The following ATF2 variants were observed in gnomAD, a reference collection of about 807,000 sequenced individuals.
ATF2 encodes activating transcription factor 2.
In ATF2, 24 loss-of-function variants were observed where a neutral mutation model predicts 60.6. The observed-to-expected ratio is 0.40, with a 90% CI of 0.29 to 0.56. The LOEUF (loss-of-function observed/expected upper bound fraction) is 0.56, where lower values mean the gene tolerates loss of function less well. Ranked by LOEUF, ATF2 falls within the 20% of genes least tolerant of loss-of-function variation. ATF2 has a pLI of 0.54. For missense variants in ATF2, 433 were observed against 607.7 expected (o/e 0.71, Z 3.02); for synonymous variants, 206 against 215.4 (o/e 0.96, Z 0.38).
At chr2:175,109,102 T>TC (rs1205213202) in intron 10 of ATF2, among the ~76,000 whole-genome samples, 1 of 138,348 alleles carries the variant, frequency 7.2e-6, no homozygotes, top group African/African-American at 2.7e-5. Flanking sequence ...GTGCTGACCT[T>TC]CCCTCCACTA....
intron 1 of ATF2, among the ~76,000 whole-genome samples, chr2:175,163,073 G>A (rs1004314822): frequency 2.0e-5 from 3 of 152,048 alleles, no homozygotes; most frequent in African/African-American, 7.2e-5. Context: ...GGCGGAGCTT[G>A]CAGTGAGCCA....
At chr2:175,108,096 G>A (rs1377281135) in intron 10 of ATF2, among the ~76,000 whole-genome samples, 5 of 149,748 alleles carry the variant, frequency 3.3e-5, no homozygotes, top group African/African-American at 4.9e-5. Flanking sequence ...GCCTCTTCCC[G>A]GCCGCCATCC....
intron 12 of ATF2, among the ~76,000 whole-genome samples, chr2:175,082,472 G>A (rs1462435359): frequency 2.0e-5 from 3 of 152,234 alleles, no homozygotes; most frequent in East Asian, 1.9e-4. Context: ...ATAATCCAAT[G>A]TATATTACCC....
chr2:175,142,122 G>A (rs1001935777), intron 2 of ATF2, among the ~76,000 whole-genome samples: 3 of 151,644 alleles, frequency 2.0e-5, no homozygotes, highest in African/African-American at 7.3e-5. Flanking sequence ...ACACTTGCTT[G>A]ATGTTCTGCT....
intron 13 of ATF2, among the ~76,000 whole-genome samples, chr2:175,077,345 T>C (rs964306833): frequency 3.3e-5 from 5 of 152,196 alleles, no homozygotes; most frequent in Non-Finnish European, 1.5e-5. Context: ...ATCGTATTTC[T>C]AGTTCAAGAT....
chr2:175,111,090 T>C lies in ATF2; in HGVS notation c.828+478A>G, dbSNP rs891378475. Among the ~76,000 whole-genome samples, 9 of 152,282 alleles carry C rather than the reference T, an allele frequency of 5.9e-5. No individual in the cohort carries two copies. The East Asian group carries it at 7.7e-4, about 13-fold the overall frequency. ...AAGGTAGTGAATAGTGGAGTTAGGA[T>C]TAAAATTAAAATTAAAATACACATC... is the stretch of plus-strand genomic sequence containing the variant. On this transcript the variant is annotated intron_variant, in intron 10 of 13. Transcript: ENST00000264110.
intron 12 of ATF2, among the ~76,000 whole-genome samples, chr2:175,082,053 G>A (rs983704365): frequency 3.9e-5 from 6 of 152,028 alleles, no homozygotes; most frequent in Admixed American, 3.3e-4. Context: ...GTGAGACTCC[G>A]TCTCAAAAAA....
At chr2:175,135,866 C>T (rs1698106309) in intron 3 of ATF2, among the ~76,000 whole-genome samples, 1 of 152,250 alleles carries the variant, frequency 6.6e-6, no homozygotes, top group African/African-American at 2.4e-5. Context: ...TTCTGTAACA[C>T]TGTTTCTTTT....
At position 175,073,683 on chromosome 2, in the gene ATF2, A is replaced by G. The variant is rs925310393; in HGVS notation, c.*926T>C. The G allele has an allele frequency of 6.6e-6, 1 of 152,130 alleles. No individual in the cohort carries two copies. The highest frequency in any genetic ancestry group is 1.5e-5 in the Non-Finnish European group (1 of 68,008). 9.4% of individuals were successfully genotyped at this position (152,130 alleles called of 1,614,324 possible). On this transcript the variant is annotated 3_prime_UTR_variant, in exon 14 of 14. Transcript: ENST00000264110. Reference sequence around the variant, plus strand: ...GGGGTAAACAGTCTTAAATTTTCTAAGTAGTAATTTTAGGCTTTTCTGGCA... The same window carrying G: ...GGGGTAAACAGTCTTAAATTTTCTAGGTAGTAATTTTAGGCTTTTCTGGCA...
intron 1 of ATF2, among the ~76,000 whole-genome samples, chr2:175,162,786 T>C (rs1182941708): frequency 6.6e-6 from 1 of 152,152 alleles, no homozygotes. Flanking sequence ...CACAATTATT[T>C]GTTAGTATGG....
At chr2:175,101,830 A>C (rs1695331942) in intron 10 of ATF2, among the ~76,000 whole-genome samples, 1 of 152,208 alleles carries the variant, frequency 6.6e-6, no homozygotes. Context: ...CTGACTTGAA[A>C]AGTATGCCAG....
intron 1 of ATF2, 96 bp downstream of exon 1, chr2:175,167,954 T>C: frequency 2.8e-6 from 1 of 351,450 alleles, no homozygotes. Flanking sequence ...AAACGGGGGG[T>C]GGGGACTGTG....
chr2:175,092,022 A>C (rs962102912), intron 12 of ATF2, among the ~76,000 whole-genome samples: 3 of 152,236 alleles, frequency 2.0e-5, no homozygotes, highest in Non-Finnish European at 4.4e-5. Flanking sequence ...AAGTTCTGCA[A>C]GACAATCTAT....
chr2:175,103,134 G>A (rs935822592), intron 10 of ATF2, among the ~76,000 whole-genome samples: 7 of 152,022 alleles, frequency 4.6e-5, no homozygotes, highest in Non-Finnish European at 8.8e-5. Context: ...TTAGTAGTAG[G>A]AACAAAGTAC....
chr2:175,119,981 T>C (rs1363749382), intron 5 of ATF2, among the ~76,000 whole-genome samples: 1 of 151,622 alleles, frequency 6.6e-6, no homozygotes, highest in Non-Finnish European at 1.5e-5. Context: ...ACCACACACA[T>C]CATGCATTTT....
At chr2:175,120,801 T>C (rs1696905270) in intron 5 of ATF2, among the ~76,000 whole-genome samples, 1 of 151,704 alleles carries the variant, frequency 6.6e-6, no homozygotes, top group Non-Finnish European at 1.5e-5. Flanking sequence ...TGTATATATT[T>C]AAATACCAAA....
At chr2:175,106,752 C>T (rs1326171024) in intron 10 of ATF2, among the ~76,000 whole-genome samples, 1 of 152,144 alleles carries the variant, frequency 6.6e-6, no homozygotes, top group Non-Finnish European at 1.5e-5. Flanking sequence ...AGGAAAACTG[C>T]GTGAACCCTG....
chr2:175,161,933 G>C (rs1247878655), intron 1 of ATF2, among the ~76,000 whole-genome samples: 21 of 152,034 alleles, frequency 1.4e-4, no homozygotes, highest in Admixed American at 1.4e-3. Context: ...GCTAATTTTT[G>C]TATTTTTAGT....
At chr2:175,112,153 T>G (rs961884373) in intron 9 of ATF2, among the ~76,000 whole-genome samples, 1 of 152,220 alleles carries the variant, frequency 6.6e-6, no homozygotes, top group Non-Finnish European at 1.5e-5. Context: ...TTTGGTTTTT[T>G]CCTTTTTTTT....
Sources: gnomAD v4.1 joint callset for allele counts (sites outside exome capture counted in the v4.1 genomes callset) on GRCh38, gnomAD v4.1.1 for gene constraint, MANE v1.5 for transcripts, NCBI Gene and HGNC (gene_info 2026-07-23, HGNC 2026-07-21) for gene names.